MAD1L1: variants seen among roughly 807,000 people sequenced by gnomAD.
MAD1L1 encodes the protein mitotic spindle assembly checkpoint protein MAD1.
Under a neutral mutation model 96.9 loss-of-function variants are expected in MAD1L1, and 95 were observed. The ratio of observed to expected loss-of-function variants is 0.98; its 90% CI spans 0.83 to 1.16. MAD1L1 has a LOEUF of 1.16. Among genes scored for constraint, MAD1L1 ranks in the 50% most tolerant of loss-of-function variants. The probability of loss-of-function intolerance (pLI) is 0.00; values close to 1 mark genes in which losing one functional copy is unlikely to be tolerated. For missense variants in MAD1L1, 1,007 were observed against 954.4 expected (o/e 1.06, Z -0.73); for synonymous variants, 473 against 396.6 (o/e 1.19, Z -2.29).
chr7:2,100,903 A>G (rs1584321105), intron 11 of MAD1L1, among the ~76,000 whole-genome samples: 1 of 152,132 alleles, frequency 6.6e-6, no homozygotes. Context: ...AGTGCCCCCC[A>G]CCTCCACTCT....
At chr7:1,913,109 T>G (rs753209001) in intron 17 of MAD1L1, among the ~76,000 whole-genome samples, 3 of 152,218 alleles carry the variant, frequency 2.0e-5, no homozygotes, top group African/African-American at 4.8e-5. Context: ...ATCTCCTGTC[T>G]CTTTTCCCCT....
intron 15 of MAD1L1, among the ~76,000 whole-genome samples, 189 bp downstream of exon 15, chr7:1,980,264 A>C (rs2128483724): frequency 6.8e-6 from 1 of 147,252 alleles, no homozygotes; most frequent in African/African-American, 2.6e-5. Flanking sequence ...ACCTCCCCCC[A>C]CCCCACAGGA....
chr7:1,892,513 T>C (rs1786609597), intron 18 of MAD1L1, among the ~76,000 whole-genome samples: 1 of 152,166 alleles, frequency 6.6e-6, no homozygotes, highest in African/African-American at 2.4e-5. Context: ...CTCATGCAAA[T>C]ATTCATCCCT....
At chr7:1,868,705 G>C (rs535871548) in intron 18 of MAD1L1, among the ~76,000 whole-genome samples, 3 of 152,344 alleles carry the variant, frequency 2.0e-5, no homozygotes, top group African/African-American at 7.2e-5. Flanking sequence ...GCCTTAACCA[G>C]AGGCGAGAGT....
chr7:1,933,915 C>A, intron 17 of MAD1L1, among the ~76,000 whole-genome samples: 1 of 152,186 alleles, frequency 6.6e-6, no homozygotes, highest in African/African-American at 2.4e-5. Context: ...AGGTGTAACT[C>A]AGGCGGGTTC....
intron 16 of MAD1L1, chr7:1,939,978 T>G (rs1212706397): frequency 6.6e-6 from 1 of 152,528 alleles, no homozygotes; most frequent in Non-Finnish European, 1.5e-5. Flanking sequence ...TCACCCCTCC[T>G]GGTGCCACCC....
intron 17 of MAD1L1, among the ~76,000 whole-genome samples, chr7:1,913,242 T>C (rs1477825277): frequency 6.6e-6 from 1 of 151,058 alleles, no homozygotes; most frequent in Non-Finnish European, 1.5e-5. Context: ...CTCCAGTAAT[T>C]GGAGCAGCCA....
intron 8 of MAD1L1, 49 bp downstream of exon 8, chr7:2,216,108 A>G (rs1202620154): frequency 1.2e-6 from 2 of 1,608,286 alleles, no homozygotes; most frequent in Non-Finnish European, 8.5e-7. Context: ...CCATGTGCAC[A>G]AACCCAGACT....
chr7:2,062,044 C>G (rs1784682202), intron 12 of MAD1L1, among the ~76,000 whole-genome samples: 1 of 150,758 alleles, frequency 6.6e-6, no homozygotes, highest in Non-Finnish European at 1.5e-5. Flanking sequence ...AGTTCAGGAC[C>G]AGCCTGGCCA....
chr7:2,009,763 G>A (rs1000266681), intron 13 of MAD1L1, among the ~76,000 whole-genome samples: 3 of 152,228 alleles, frequency 2.0e-5, no homozygotes, highest in Admixed American at 2.0e-4. Context: ...GTGGCAGCAG[G>A]TCCTCCCATG....
intron 10 of MAD1L1, among the ~76,000 whole-genome samples, chr7:2,205,506 G>A (rs1255717722): frequency 1.3e-5 from 2 of 152,122 alleles, no homozygotes; most frequent in South Asian, 4.1e-4. Context: ...AGACAGTCCT[G>A]ACACCCCTAT....
intron 11 of MAD1L1, among the ~76,000 whole-genome samples, chr7:2,070,710 AT>A (rs1785083970): frequency 6.6e-6 from 1 of 152,214 alleles, no homozygotes; most frequent in African/African-American, 2.4e-5. Context: ...CAGCACTGGG[AT>A]AGAGAAAAGC....
intron 11 of MAD1L1, among the ~76,000 whole-genome samples, chr7:2,136,590 C>T (rs1397417298): frequency 6.6e-6 from 1 of 152,218 alleles, no homozygotes; most frequent in Admixed American, 6.5e-5. Flanking sequence ...CAAGTGCACT[C>T]ACCTGCCCAA....
chr7:2,001,933 C>T (rs1026828981), intron 14 of MAD1L1, 132 bp downstream of exon 14: 27 of 910,284 alleles, frequency 3.0e-5, no homozygotes, highest in Admixed American at 1.7e-4. Context: ...CCCCGCTCAA[C>T]GCAGCTTCCG....
chr7:1,896,026 C>T (rs373944554), intron 18 of MAD1L1, among the ~76,000 whole-genome samples: 2 of 152,244 alleles, frequency 1.3e-5, no homozygotes, highest in African/African-American at 2.4e-5. Context: ...GCAGGAACCA[C>T]GGCTCCTCAG....
chr7:1,906,375 T>C (rs997152377), intron 17 of MAD1L1, among the ~76,000 whole-genome samples: 2 of 152,230 alleles, frequency 1.3e-5, no homozygotes, highest in African/African-American at 4.8e-5. Flanking sequence ...TCCTGGGATA[T>C]TCATGCCCTG....
At chr7:1,841,630 G>A (rs1254189897) in intron 18 of MAD1L1, among the ~76,000 whole-genome samples, 1 of 152,206 alleles carries the variant, frequency 6.6e-6, no homozygotes, top group Non-Finnish European at 1.5e-5. Context: ...GAAGCTGGAC[G>A]AGCCCACAGT....
chr7:2,165,690 G>C (rs780403346), intron 10 of MAD1L1, among the ~76,000 whole-genome samples: 2 of 116,088 alleles, frequency 1.7e-5, no homozygotes, highest in Non-Finnish European at 3.8e-5. Flanking sequence ...AGAATGGAAG[G>C]GGTGGGACAA....
At chr7:1,924,389 T>A (rs1788978857) in intron 17 of MAD1L1, among the ~76,000 whole-genome samples, 1 of 152,196 alleles carries the variant, frequency 6.6e-6, no homozygotes. Flanking sequence ...AAAGCCTCTC[T>A]CATCTGCACG....
Sources: gnomAD v4.1 joint callset for allele counts (sites outside exome capture counted in the v4.1 genomes callset) on GRCh38, gnomAD v4.1.1 for gene constraint, MANE v1.5 for transcripts, NCBI Gene and HGNC (gene_info 2026-07-23, HGNC 2026-07-21) for gene names.